Variants in NFASC observed in about 807,000 individuals in gnomAD.
NFASC encodes the protein neurofascin, also known as neurofascin homolog.
NFASC carries 43 observed loss-of-function variants against 147.5 expected under a neutral mutation model. The observed-to-expected ratio is 0.29, with a 90% CI of 0.23 to 0.38. NFASC has a LOEUF of 0.38. Ranked by LOEUF, NFASC falls within the 10% of genes least tolerant of loss-of-function variation. NFASC has a pLI of 1.00. For missense variants in NFASC, 1,320 were observed against 1,689.0 expected (o/e 0.78, Z 3.83); for synonymous variants, 622 against 665.5 (o/e 0.93, Z 1.01).
At position 204,859,056 on chromosome 1, in the gene NFASC, C is replaced by T. The variant is rs1203405953; in HGVS notation, c.-200+30274C>T. 2.0e-5 allele frequency among the ~76,000 whole-genome samples: 3 copies of T among 151,516 alleles called. No individual in the cohort carries two copies. In the East Asian group the frequency reaches 5.8e-4, roughly 29 times the overall value. ...GCAGTGACGCAGTCTCGGCTCACTGCAGCCTCTGCCTCCCGGGTGCCAGCG... is the reference window on the plus strand; with the variant it reads ...GCAGTGACGCAGTCTCGGCTCACTGTAGCCTCTGCCTCCCGGGTGCCAGCG... On this transcript the variant is annotated intron_variant, in intron 1 of 29. Coordinates refer to ENST00000339876, the MANE Select transcript of NFASC (RefSeq NM_001005388.3).
chr1:204,980,316 C>A (rs1457609252), intron 19 of NFASC, 54 bp from the exon 20 acceptor site: 1 of 1,451,296 alleles, frequency 6.9e-7, no homozygotes, highest in Non-Finnish European at 9.7e-7. Context: ...GGTTCCTTAC[C>A]TTGCCCTGGA....
rs1434477713 is a variant in NFASC, at chr1:205,015,712, A to G, written c.3492-596A>G. On this transcript the variant is annotated intron_variant, in intron 29 of 29. Transcript: ENST00000339876. This position sits in a 1 kb window ranked among gnomAD's most constrained non-coding sequence, Gnocchi z 4.0. ...TTGCGCACCTGTGCTTGCTAGGCCC[A>G]AAGCAATAACATCTTTTTATAGATC... 6.6e-6 allele frequency among the ~76,000 whole-genome samples: 1 copy of G among 152,070 alleles called. No homozygotes were observed. The highest frequency in any genetic ancestry group is 1.9e-4 in the East Asian group (1 of 5,172).
chr1:204,844,067 G>A (rs1676277228), intron 1 of NFASC, among the ~76,000 whole-genome samples: 1 of 152,132 alleles, frequency 6.6e-6, no homozygotes, highest in Non-Finnish European at 1.5e-5. Flanking sequence ...GCTACATTGT[G>A]CAATGCCAGA....
At chr1:204,941,142 A>G (rs1028633045) in intron 2 of NFASC, among the ~76,000 whole-genome samples, 4 of 152,198 alleles carry the variant, frequency 2.6e-5, no homozygotes, top group Admixed American at 6.5e-5. Flanking sequence ...TACCTTTGCC[A>G]CTAACCAGCT....
intron 21 of NFASC, among the ~76,000 whole-genome samples, chr1:204,985,463 C>T (rs1210102527): frequency 2.6e-5 from 4 of 152,186 alleles, no homozygotes; most frequent in East Asian, 3.8e-4. Flanking sequence ...TGCTGCCTGC[C>T]GTCAATCTAA....
chr1:204,914,033 G>GA (rs879264274), intron 1 of NFASC, among the ~76,000 whole-genome samples: 3 of 151,870 alleles, frequency 2.0e-5, no homozygotes, highest in African/African-American at 7.3e-5. Flanking sequence ...AATCAACTAT[G>GA]AAAAAAATTT....
At chr1:204,831,140 T>C (rs1218605451) in intron 1 of NFASC, among the ~76,000 whole-genome samples, 1 of 152,208 alleles carries the variant, frequency 6.6e-6, no homozygotes, top group Non-Finnish European at 1.5e-5. Context: ...GTTGAAATGC[T>C]TGACTGGAGC....
At chr1:204,959,589 G>A (rs1285022966) in intron 8 of NFASC, among the ~76,000 whole-genome samples, 2 of 152,316 alleles carry the variant, frequency 1.3e-5, no homozygotes, top group East Asian at 1.9e-4. Flanking sequence ...TCGCTGAGCT[G>A]AGCCTGGACA....
At chr1:204,970,791 T>C in intron 11 of NFASC, 44 bp downstream of exon 11, 3 of 1,612,860 alleles carry the variant, frequency 1.9e-6, no homozygotes, top group Non-Finnish European at 2.5e-6. Context: ...ATCTCTCTGC[T>C]GTCAAAGGCT....
Position 205,017,353 on chromosome 1 carries a change from T to C in NFASC, c.*814T>C, listed in dbSNP as rs980131292. The C allele has an allele frequency of 6.5e-6, 1 of 153,826 alleles. No homozygotes were observed. Among genetic ancestry groups the C allele is most frequent in the Non-Finnish European group, 1.4e-5 (1 of 69,184 alleles). 9.5% of individuals were successfully genotyped at this position (153,826 alleles called of 1,614,324 possible). A position where few individuals can be genotyped will look rare whatever the true frequency, so the allele number is the denominator to read the frequency against. ...TGAGCTGCATTGACTCTGAAGACGT[T>C]TGAGGAACAGGAGTGGGCACTGATA... is the stretch of plus-strand genomic sequence containing the variant. On this transcript the variant is annotated 3_prime_UTR_variant, in exon 30 of 30. Coordinates refer to ENST00000339876, the MANE Select transcript of NFASC (RefSeq NM_001005388.3).
intron 1 of NFASC, among the ~76,000 whole-genome samples, chr1:204,909,271 T>G (rs1375509841): frequency 6.6e-6 from 1 of 152,248 alleles, no homozygotes; most frequent in African/African-American, 2.4e-5. Context: ...TTTTTTAAAT[T>G]TAGTCATTCC....
Position 205,018,955 on chromosome 1 carries a change from GC to G in NFASC, c.*2418del, listed in dbSNP as rs2151138740. 1 of 152,374 alleles carries G rather than the reference GC, an allele frequency of 6.6e-6. No homozygotes were observed. Among genetic ancestry groups the G allele is most frequent in the African/African-American group, 2.4e-5 (1 of 41,558 alleles). 9.4% of individuals were successfully genotyped at this position (152,374 alleles called of 1,614,324 possible). ...CCTCTGCACCTCGTTCCAGTGTCCT[GC>G]CAGGCTCTGTACTGTCCTTTGTGTA... On this transcript the variant is annotated 3_prime_UTR_variant, in exon 30 of 30. Transcript: ENST00000339876.
At chr1:204,943,647 A>G (rs1400696361) in intron 2 of NFASC, among the ~76,000 whole-genome samples, 1 of 152,136 alleles carries the variant, frequency 6.6e-6, no homozygotes, top group African/African-American at 2.4e-5. Flanking sequence ...AGTCCTGCCA[A>G]TGTCACCCTG....
At chr1:204,848,460 A>C (rs1277633719) in intron 1 of NFASC, among the ~76,000 whole-genome samples, 3 of 152,174 alleles carry the variant, frequency 2.0e-5, no homozygotes, top group Non-Finnish European at 4.4e-5. Flanking sequence ...TCCTGGGTTC[A>C]AGCGAACCTC....
chr1:204,834,110 G>A (rs1487785973), intron 1 of NFASC, among the ~76,000 whole-genome samples: 2 of 152,088 alleles, frequency 1.3e-5, no homozygotes, highest in East Asian at 3.8e-4. Flanking sequence ...GCAAAAACTT[G>A]GGTTCAGATT....
intron 1 of NFASC, among the ~76,000 whole-genome samples, chr1:204,839,523 T>C (rs1209630717): frequency 1.3e-5 from 2 of 152,154 alleles, no homozygotes. Context: ...GTCTGGCCTC[T>C]CAGGGATTCC....
intron 21 of NFASC, among the ~76,000 whole-genome samples, chr1:204,983,188 G>A (rs1405563544): frequency 1.3e-5 from 2 of 152,192 alleles, no homozygotes; most frequent in Non-Finnish European, 1.5e-5. Context: ...TAGAAGGGAC[G>A]AGGCAGAGCT....
chr1:204,937,547 C>T (rs568914382), intron 2 of NFASC, among the ~76,000 whole-genome samples: 2 of 152,276 alleles, frequency 1.3e-5, no homozygotes, highest in South Asian at 4.2e-4. Flanking sequence ...CGGTTGTAAC[C>T]ACACAGTGTG....
chr1:204,987,999 C>G lies in NFASC; in HGVS notation c.2593+459C>G, dbSNP rs7519745. On this transcript the variant is annotated intron_variant, in intron 22 of 29. Transcript: ENST00000339876. This position sits in a 1 kb window ranked among gnomAD's most constrained non-coding sequence, Gnocchi z 4.4. Reference sequence around the variant, plus strand: ...GCTGCCCGGTGACTGTGGGGTGACCCGAATCAGGAGCCTGGGTTGGAAAGA... The same window carrying G: ...GCTGCCCGGTGACTGTGGGGTGACCGGAATCAGGAGCCTGGGTTGGAAAGA... Among the ~76,000 whole-genome samples, 2,228 of 152,210 alleles carry G rather than the reference C, an allele frequency of 0.015. 61 individuals are homozygous for G. The highest frequency in any genetic ancestry group is 0.051 in the African/African-American group (2,121 of 41,512).
Sources: gnomAD v4.1 joint callset for allele counts (sites outside exome capture counted in the v4.1 genomes callset) on GRCh38, gnomAD v4.1.1 for gene constraint, Gnocchi (gnomAD v3.1) non-coding constraint, MANE v1.5 for transcripts, NCBI Gene and HGNC (gene_info 2026-07-23, HGNC 2026-07-21) for gene names.